Variants in NOM1 observed in about 807,000 individuals in gnomAD.
NOM1 encodes the protein nucleolar MIF4G domain-containing protein 1.
A neutral mutation model predicts 73.3 loss-of-function variants in NOM1; 58 were observed. That is an observed-to-expected ratio of 0.79 (90% confidence interval 0.64 to 0.99). NOM1 has a LOEUF of 0.99. NOM1 is among the 50% of genes least tolerant of loss of function. NOM1 has a pLI of 0.00. For missense variants in NOM1, 1,226 were observed against 1,131.9 expected (o/e 1.08, Z -1.19); for synonymous variants, 487 against 446.8 (o/e 1.09, Z -1.14).
chr7:156,961,208 G>A (rs1804856544), intron 4 of NOM1, among the ~76,000 whole-genome samples: 1 of 152,156 alleles, frequency 6.6e-6, no homozygotes, highest in Non-Finnish European at 1.5e-5. Context: ...GCTGGCAGGT[G>A]AGAAGGAAAT....
intron 4 of NOM1, among the ~76,000 whole-genome samples, chr7:156,960,485 A>G (rs893744472): frequency 1.2e-4 from 18 of 152,224 alleles, no homozygotes; most frequent in Non-Finnish European, 4.4e-5. Context: ...TGACAGCAGC[A>G]TAACCTGGGT....
At chr7:156,951,746 C>T (rs1804597459) in intron 1 of NOM1, among the ~76,000 whole-genome samples, 1 of 151,594 alleles carries the variant, frequency 6.6e-6, no homozygotes, top group Admixed American at 6.6e-5. Context: ...CTTGCACTGT[C>T]GTCTAGGCTG....
chr7:156,952,132 A>G (rs12668233), intron 1 of NOM1, among the ~76,000 whole-genome samples: 5,266 of 152,314 alleles, frequency 0.035, 148 homozygotes, highest in East Asian at 0.13. Flanking sequence ...CTGTGCCTGC[A>G]GTAAGTTAAG....
rs1161322490 is a variant in NOM1 at position 156,969,731 on chromosome 7, C to T, written c.*28C>T. 6.3e-7 allele frequency: 1 copy of T among 1,580,970 alleles called. No individual in the cohort carries two copies. Among genetic ancestry groups the T allele is most frequent in the Non-Finnish European group, 8.6e-7 (1 of 1,163,706 alleles). ...AGGGAAGGAAGGAGGGCAGGTGGCC[C>T]TTTGACTGTAAAATGTCCTTGGTAA... On this transcript the variant is annotated 3_prime_UTR_variant, in exon 11 of 11. Transcript: ENST00000275820.
intron 3 of NOM1, among the ~76,000 whole-genome samples, chr7:156,956,203 A>AG (rs1372502191): frequency 6.6e-6 from 1 of 151,800 alleles, no homozygotes; most frequent in Non-Finnish European, 1.5e-5. Flanking sequence ...AAAAAAAAAA[A>AG]AAAGATGCAC....
chr7:156,956,226 A>G (rs1371207392), intron 3 of NOM1, among the ~76,000 whole-genome samples: 1 of 151,906 alleles, frequency 6.6e-6, no homozygotes, highest in African/African-American at 2.4e-5. Flanking sequence ...ATTTGCCAAA[A>G]TGAAGTAGCC....
chr7:156,966,920 G>T (rs1487099130), intron 8 of NOM1, 41 bp from the exon 9 acceptor site: 8 of 1,577,710 alleles, frequency 5.1e-6, no homozygotes, highest in African/African-American at 1.4e-5. Flanking sequence ...ATAGTAATTT[G>T]TGGCCGTTTG....
chr7:156,950,706 C>T lies in NOM1; in HGVS notation c.969C>T (p.Asp323=), dbSNP rs946317764. 76 of 1,551,242 alleles carry T rather than the reference C, an allele frequency of 4.9e-5. No homozygotes were observed. Among genetic ancestry groups the T allele is most frequent in the Non-Finnish European group, 6.5e-5 (74 of 1,146,868 alleles). Residue 323 remains aspartate (D), a synonymous_variant, in exon 1 of 11, where the codon GAC becomes GAT. Coordinates refer to ENST00000275820, the MANE Select transcript of NOM1 (RefSeq NM_138400.2). ...AAAAGAGTGAAAATTCCTCGGAGGA[C>T]GGTGACATAACGGATAAGGTATCGT... The part of the protein sequence containing the change: ...DEEKSENSSE[D]GDITDKSLCG...
At chr7:156,964,717 T>G (rs1280218726) in intron 7 of NOM1, among the ~76,000 whole-genome samples, 1 of 152,218 alleles carries the variant, frequency 6.6e-6, no homozygotes, top group African/African-American at 2.4e-5. Flanking sequence ...CCTTTTAGGA[T>G]TCTGATAATT....
At position 156,950,268 on chromosome 7, in the gene NOM1, G is replaced by T. The variant is rs1274050052; in HGVS notation, c.531G>T (p.Ala177=). The change falls in exon 1 of 11, where the codon GCG becomes GCT. Residue 177 remains alanine, a synonymous_variant. Coordinates refer to ENST00000275820, the MANE Select transcript of NOM1 (RefSeq NM_138400.2). The part of the protein sequence containing the change: ...TAAARKRALL[A]ANEEEDREIR... Reference sequence around the variant, plus strand: ...CTGCCCGGAAACGGGCGCTTTTAGCGGCGAACGAGGAGGAGGACCGAGAGA... The same window carrying T: ...CTGCCCGGAAACGGGCGCTTTTAGCTGCGAACGAGGAGGAGGACCGAGAGA... 6.2e-6 allele frequency: 10 copies of T among 1,613,794 alleles called. No individual in the cohort carries two copies. The highest frequency in any genetic ancestry group is 6.8e-6 in the Non-Finnish European group (8 of 1,179,836).
Position 156,949,823 on chromosome 7 carries a change from G to T in NOM1, c.86G>T (p.Gly29Val). ...VVRMKRRGGRGPRRGPAGGGE... is the reference protein window; with the variant it reads ...VVRMKRRGGRVPRRGPAGGGE... Reference sequence around the variant, plus strand: ...CGCATGAAGCGCAGAGGCGGGCGCGGGCCGCGCCGCGGTCCTGCTGGCGGT... The same window carrying T: ...CGCATGAAGCGCAGAGGCGGGCGCGTGCCGCGCCGCGGTCCTGCTGGCGGT... The change falls in exon 1 of 11, where the codon GGG (glycine) becomes GTG (valine). Residue 29 changes from glycine to valine, a missense_variant. By Grantham distance (109) the Gly-to-Val change is moderately radical (BLOSUM62 -3). Coordinates refer to ENST00000275820, the MANE Select transcript of NOM1 (RefSeq NM_138400.2). The T allele has an allele frequency of 2.1e-6, 3 of 1,446,832 alleles. No homozygotes were observed. The South Asian group carries it at 4.3e-5, about 21-fold the overall frequency. The allele number at this position is 1,446,832 out of a possible 1,614,324, so 89.6% of individuals were successfully genotyped here.
At chr7:156,967,188 C>G in intron 9 of NOM1, 96 bp downstream of exon 9, 1 of 1,407,248 alleles carries the variant, frequency 7.1e-7, no homozygotes, top group East Asian at 2.3e-5. Flanking sequence ...AGCGTATTTT[C>G]TTCGATTCTG....
rs1186614379 is a variant in NOM1, at chr7:156,969,094, A to C, written c.2306A>C (p.Glu769Ala). 1 of 1,539,256 alleles carries C rather than the reference A, an allele frequency of 6.5e-7. No individual in the cohort carries two copies. Among genetic ancestry groups the C allele is most frequent in the Non-Finnish European group, 9.0e-7 (1 of 1,111,392 alleles). Residue 769 changes from glutamate (E) to alanine (A), a missense_variant, in exon 10 of 11, where the codon GAA (glutamate) becomes GCA (alanine). Glu to Ala is a moderately radical substitution (Grantham distance 107). Transcript: ENST00000275820. ...SLSLSILKVV[E>A]FSELDKPRVR... ...CCATGTCCTGACCATTAGGTAGTTG[A>C]ATTCAGTGAATTGGACAAACCCAGA...
chr7:156,949,900 G>A lies in NOM1; in HGVS notation c.163G>A (p.Ala55Thr). 6.5e-7 allele frequency: 1 copy of A among 1,539,796 alleles called. No individual in the cohort carries two copies. The stretch of plus-strand genomic sequence containing the variant: ...GCTAGCGGTGGAGGAGTTCGTGCAC[G>A]CGACTTCGGAAGGCGAGGCTCCCGG... ...LKLAVEEFVHATSEGEAPGGC... is the reference protein window; with the variant it reads ...LKLAVEEFVHTTSEGEAPGGC... The change falls in exon 1 of 11, where the codon GCG becomes ACG. Residue 55 changes from alanine (A) to threonine (T), a missense_variant. Transcript: ENST00000275820.
intron 9 of NOM1, among the ~76,000 whole-genome samples, chr7:156,968,370 G>T (rs1329804074): frequency 6.6e-6 from 1 of 152,118 alleles, no homozygotes; most frequent in East Asian, 1.9e-4. Context: ...GAGTTTCTCT[G>T]TGTTTCGACC....
chr7:156,968,174 C>T (rs948486719), intron 9 of NOM1, among the ~76,000 whole-genome samples: 2 of 152,208 alleles, frequency 1.3e-5, no homozygotes. Flanking sequence ...TAACTTAGCT[C>T]ATGGAGGAGG....
intron 9 of NOM1, chr7:156,968,837 T>C: frequency 2.5e-6 from 1 of 400,134 alleles, no homozygotes; most frequent in Non-Finnish European, 4.5e-6. Context: ...GGAATTCCAC[T>C]TACACTGCTG....
chr7:156,960,078 A>T lies in NOM1; in HGVS notation c.1536A>T (p.Ser512=). The T allele has an allele frequency of 1.2e-6, 2 of 1,614,192 alleles. No individual in the cohort carries two copies. Among genetic ancestry groups the T allele is most frequent in the African/African-American group, 1.3e-5 (1 of 75,048 alleles). The change falls in exon 4 of 11, where the codon TCA becomes TCT. Residue 512 remains serine (S), a synonymous_variant. Coordinates refer to ENST00000275820, the MANE Select transcript of NOM1 (RefSeq NM_138400.2). The part of the protein sequence containing the change: ...ILLMLKNVGF[S]LRKDDALSLK... ...TAATGCTGAAAAACGTGGGTTTTTC[A>T]TTGAGGAAAGATGATGCTTTATCAC... is the stretch of plus-strand genomic sequence containing the variant.
At position 156,970,963 on chromosome 7, in the gene NOM1, G is replaced by A. The variant is rs930165787; in HGVS notation, c.*1260G>A. 2.0e-5 allele frequency: 3 copies of A among 152,158 alleles called. No homozygotes were observed. The highest frequency in any genetic ancestry group is 4.4e-5 in the Non-Finnish European group (3 of 68,030). The allele number at this position is 152,158 out of a possible 1,614,324, so 9.4% of individuals were successfully genotyped here. A position where few individuals can be genotyped will look rare whatever the true frequency, so the allele number is the denominator to read the frequency against. On this transcript the variant is annotated 3_prime_UTR_variant, in exon 11 of 11. Coordinates refer to ENST00000275820, the MANE Select transcript of NOM1 (RefSeq NM_138400.2). ...GTTAATAGGTGCTACTTGCTTGCAA[G>A]GATTTGGAGATGTAAACATGAAGAA...
Sources: allele counts gnomAD v4.1 joint callset (sites outside exome capture counted in the v4.1 genomes callset), GRCh38; gene constraint gnomAD v4.1.1; transcripts MANE v1.5; gene names NCBI Gene and HGNC (gene_info 2026-07-23, HGNC 2026-07-21).